The following C2orf92 variants were observed in gnomAD, a reference collection of about 807,000 sequenced individuals.
C2orf92 encodes the protein chromosome 2 open reading frame 92, also known as uncharacterized protein C2orf92.
intron 3 of C2orf92, among the ~76,000 whole-genome samples, chr2:97,687,762 C>T (rs1013472765): frequency 6.7e-6 from 1 of 150,070 alleles, no homozygotes; most frequent in Non-Finnish European, 1.5e-5. Flanking sequence ...GTGTCAGGAG[C>T]GCTGGGCTTG....
chr2:97,678,996 G>A (rs543479989), intron 3 of C2orf92, among the ~76,000 whole-genome samples: 61 of 149,440 alleles, frequency 4.1e-4, no homozygotes, highest in African/African-American at 1.2e-3. Flanking sequence ...AAAAAAAAAA[G>A]TAAAAAGGAA....
At chr2:97,665,567 C>T (rs1009320100), upstream of C2orf92, among the ~76,000 whole-genome samples, 1 of 151,816 alleles carries the variant, frequency 6.6e-6, no homozygotes, top group Non-Finnish European at 1.5e-5. Flanking sequence ...ATAGAGGGGT[C>T]TTATCTATGT....
rs370128846 is a variant in C2orf92 at position 97,688,053 on chromosome 2, A to C, written c.233-842A>C. Among the ~76,000 whole-genome samples, 77 of 152,178 alleles carry C rather than the reference A, an allele frequency of 5.1e-4. 2 individuals are homozygous for C. In the East Asian group the frequency reaches 9.7e-3, roughly 19 times the overall value. ...TGGGAAGCTCCCATCACCCCTCAAG[A>C]GTCCACTGACCAGCCCAGCTCACAC... On this transcript the variant is annotated intron_variant, in intron 3 of 7. Transcript: ENST00000627399.
At chr2:97,667,261 C>CTTTTTTTTTTTTTTTTTTTTTTTT (rs200244313), upstream of C2orf92, among the ~76,000 whole-genome samples, 1 of 106,496 alleles carries the variant, frequency 9.4e-6, no homozygotes. Flanking sequence ...CTTCAGGTCT[C>CTTTTTTTTTTTTTTTTTTTTTTTT]TTTTTTATTT....
chr2:97,671,091 A>G (rs1355374167), intron 1 of C2orf92: 1 of 154,754 alleles, frequency 6.5e-6, no homozygotes, highest in Non-Finnish European at 1.4e-5. Flanking sequence ...TGCTGGGATT[A>G]CAGGCGTGTG....
At chr2:97,676,673 G>A (rs1675596364) in intron 3 of C2orf92, among the ~76,000 whole-genome samples, 1 of 151,870 alleles carries the variant, frequency 6.6e-6, no homozygotes, top group African/African-American at 2.4e-5. Flanking sequence ...TCGGGAGGCT[G>A]AGGTGGGAGG....
chr2:97,700,310 T>C (rs1676448964), intron 6 of C2orf92, among the ~76,000 whole-genome samples: 1 of 152,022 alleles, frequency 6.6e-6, no homozygotes, highest in African/African-American at 2.4e-5. Flanking sequence ...CTCCCAAACC[T>C]ACACACACGA....
chr2:97,671,212 T>A, intron 1 of C2orf92: 1 of 342,710 alleles, frequency 2.9e-6, no homozygotes. Context: ...TTTCATCATG[T>A]TGGCCAGGCT....
chr2:97,696,475 G>A (rs1027498591), intron 5 of C2orf92, among the ~76,000 whole-genome samples: 1 of 151,182 alleles, frequency 6.6e-6, no homozygotes, highest in Non-Finnish European at 1.5e-5. Context: ...GGTGGCTCAC[G>A]CCTGTAATCC....
At chr2:97,681,285 A>G (rs1675764495) in intron 3 of C2orf92, among the ~76,000 whole-genome samples, 1 of 152,168 alleles carries the variant, frequency 6.6e-6, no homozygotes. Flanking sequence ...AGGATAGCCC[A>G]TATGTTAGGA....
chr2:97,681,812 G>T (rs1226828575), intron 3 of C2orf92, among the ~76,000 whole-genome samples: 3 of 151,860 alleles, frequency 2.0e-5, no homozygotes, highest in Admixed American at 6.6e-5. Flanking sequence ...GAGCCGAGAT[G>T]GTGCCACTGC....
At chr2:97,678,157 G>A (rs574196069) in intron 3 of C2orf92, among the ~76,000 whole-genome samples, 75 of 151,050 alleles carry the variant, frequency 5.0e-4, no homozygotes, top group Non-Finnish European at 1.0e-3. Flanking sequence ...CCGAGATCGC[G>A]CCATTGCACT....
At chr2:97,677,966 C>T (rs1036441093) in intron 3 of C2orf92, among the ~76,000 whole-genome samples, 4 of 151,928 alleles carry the variant, frequency 2.6e-5, no homozygotes, top group South Asian at 2.1e-4. Flanking sequence ...TTTGGGAGGC[C>T]GAGGCAGATG....
chr2:97,676,777 AAAAG>A, intron 3 of C2orf92, among the ~76,000 whole-genome samples: 1 of 152,104 alleles, frequency 6.6e-6, no homozygotes, highest in South Asian at 2.1e-4. Flanking sequence ...CTATTAAAAA[AAAAG>A]AGAGAGACAT....
At chr2:97,669,883 T>G (rs1675353749) in intron 1 of C2orf92, 49 bp downstream of exon 1, 1 of 398,446 alleles carries the variant, frequency 2.5e-6, no homozygotes, top group Non-Finnish European at 4.4e-6. Context: ...ACTTCAAGCC[T>G]AAGTGGGGCA....
intron 3 of C2orf92, among the ~76,000 whole-genome samples, chr2:97,684,938 T>A (rs1675902102): frequency 6.6e-6 from 1 of 151,868 alleles, no homozygotes; most frequent in Admixed American, 6.6e-5. Context: ...TTATTTTTAT[T>A]TTTATTTTTG....
chr2:97,673,950 C>T (rs918451186), intron 1 of C2orf92, among the ~76,000 whole-genome samples: 2 of 152,152 alleles, frequency 1.3e-5, no homozygotes, highest in Non-Finnish European at 2.9e-5. Context: ...AAGATCATCC[C>T]GGTGAGGGCA....
chr2:97,668,419 AG>A (rs746757422), upstream of C2orf92: 2 of 152,204 alleles, frequency 1.3e-5, no homozygotes, highest in African/African-American at 2.4e-5. Flanking sequence ...CTGTGTTCTT[AG>A]AAGAGGAAAT....
At chr2:97,679,845 AAAAAAAAAG>A (rs1000311706) in intron 3 of C2orf92, among the ~76,000 whole-genome samples, 13 of 151,106 alleles carry the variant, frequency 8.6e-5, no homozygotes, top group African/African-American at 2.2e-4. Flanking sequence ...CTCAAAAAAA[AAAAAAAAAG>A]AAAAAAAAGA....
Sources: gnomAD v4.1 joint callset for allele counts (sites outside exome capture counted in the v4.1 genomes callset) on GRCh38, gnomAD v4.1.1 for gene constraint, MANE v1.5 for transcripts, NCBI Gene and HGNC (gene_info 2026-07-23, HGNC 2026-07-21) for gene names.